The following OR51B5 variants were observed in gnomAD, a reference collection of about 807,000 sequenced individuals.
The protein encoded by OR51B5 is olfactory receptor family 51 subfamily B member 5.
For synonymous variants in OR51B5, 186 were observed against 144.8 expected, an observed-to-expected ratio of 1.28 and a Z score of -2.04; for missense variants, 456 against 374.6, an observed-to-expected ratio of 1.22 and a Z score of -1.79.
At chr11:5,492,339 C>G (rs411752) in intron 1 of OR51B5, among the ~76,000 whole-genome samples, 19,259 of 152,194 alleles carry the variant, frequency 0.13, 1,392 homozygotes, top group East Asian at 0.21. Flanking sequence ...ACCCTGTTTT[C>G]TCTTTCTTCC....
At chr11:5,340,395 A>ATATAATATATATTTC (rs1848875786), downstream of OR51B5, 1 of 152,034 alleles carries the variant, frequency 6.6e-6, no homozygotes, top group Non-Finnish European at 1.5e-5. Flanking sequence ...TATAGTTTGA[A>ATATAATATATATTTC]GTCACTTGCC....
At chr11:5,502,276 T>A (rs1234034827) in intron 1 of OR51B5, among the ~76,000 whole-genome samples, 1 of 152,186 alleles carries the variant, frequency 6.6e-6, no homozygotes, top group East Asian at 1.9e-4. Flanking sequence ...CACTCACCTG[T>A]CTTTCCCACA....
At chr11:5,466,848 T>G (rs889395362) in intron 1 of OR51B5, among the ~76,000 whole-genome samples, 57 of 152,222 alleles carry the variant, frequency 3.7e-4, no homozygotes, top group Non-Finnish European at 5.3e-4. Context: ...ACATTCTGCT[T>G]CCTTCTGTTC....
chr11:5,385,766 TAC>T (rs1458659210), intron 1 of OR51B5, among the ~76,000 whole-genome samples: 4 of 148,432 alleles, frequency 2.7e-5, no homozygotes, highest in Non-Finnish European at 4.4e-5. Context: ...TATATAAATA[TAC>T]AGACACATAT....
At chr11:5,492,476 T>C (rs916250580) in intron 1 of OR51B5, among the ~76,000 whole-genome samples, 1 of 152,152 alleles carries the variant, frequency 6.6e-6, no homozygotes, top group African/African-American at 2.4e-5. Context: ...ATTTAGATTA[T>C]TCTCTTAATT....
At chr11:5,406,429 G>A (rs187055550) in intron 1 of OR51B5, among the ~76,000 whole-genome samples, 22 of 152,168 alleles carry the variant, frequency 1.4e-4, no homozygotes, top group African/African-American at 5.1e-4. Flanking sequence ...AAAGAATCTT[G>A]GAATCTCTTG....
chr11:5,454,116 G>C (rs147318530), intron 1 of OR51B5: 3 of 1,614,038 alleles, frequency 1.9e-6, no homozygotes, highest in African/African-American at 2.7e-5. Context: ...CTTTGGCATG[G>C]ACCTGTTTTT....
chr11:5,476,499 A>C (rs775264129), intron 1 of OR51B5, among the ~76,000 whole-genome samples: 1 of 152,216 alleles, frequency 6.6e-6, no homozygotes, highest in Non-Finnish European at 1.5e-5. Flanking sequence ...AGGTGCCCAA[A>C]AAATAGTCAC....
At chr11:5,365,943 C>T (rs2133702318) in intron 1 of OR51B5, among the ~76,000 whole-genome samples, 1 of 152,230 alleles carries the variant, frequency 6.6e-6, no homozygotes, top group Non-Finnish European at 1.5e-5. Flanking sequence ...GGGGCAGGCT[C>T]AGCATGATCA....
At chr11:5,453,447 C>T in intron 1 of OR51B5, 1 of 1,417,734 alleles carries the variant, frequency 7.1e-7, no homozygotes, top group African/African-American at 1.4e-5. Flanking sequence ...TTCTCCAAGT[C>T]AGAAGATCTG....
intron 1 of OR51B5, among the ~76,000 whole-genome samples, chr11:5,428,019 T>A (rs1245719588): frequency 6.6e-6 from 1 of 152,126 alleles, no homozygotes; most frequent in Non-Finnish European, 1.5e-5. Flanking sequence ...GTTCATGTAT[T>A]CTTAAATTCA....
intron 1 of OR51B5, among the ~76,000 whole-genome samples, chr11:5,368,568 T>C (rs1849408393): frequency 6.6e-6 from 1 of 152,122 alleles, no homozygotes; most frequent in Admixed American, 6.6e-5. Context: ...ATAAAAACCT[T>C]TAAAAAGCTC....
chr11:5,406,646 AAT>A (rs1011540656), intron 1 of OR51B5, among the ~76,000 whole-genome samples: 6 of 152,186 alleles, frequency 3.9e-5, no homozygotes, highest in African/African-American at 1.4e-4. Flanking sequence ...TTATCCAGTG[AAT>A]ATGAGTTTGT....
At chr11:5,417,106 C>G (rs1390558868) in intron 1 of OR51B5, among the ~76,000 whole-genome samples, 1 of 151,736 alleles carries the variant, frequency 6.6e-6, no homozygotes, top group Non-Finnish European at 1.5e-5. Context: ...CAGAACAGAG[C>G]CCTCAGAAAT....
chr11:5,488,652 T>G lies in OR51B5; in HGVS notation n.84+16917A>C, dbSNP rs145529482. 3.0e-4 allele frequency: 357 copies of G among 1,191,658 alleles called. No individual in the cohort carries two copies. The African/African-American group carries it at 4.5e-3, about 15-fold the overall frequency. 73.8% of individuals were successfully genotyped at this position (1,191,658 alleles called of 1,614,324 possible). ...CATAAATCAACCAAATATCTGATGTTACAGGGCAAGCATAACAATACTATT... is the reference window on the plus strand; with the variant it reads ...CATAAATCAACCAAATATCTGATGTGACAGGGCAAGCATAACAATACTATT... On this transcript the variant is annotated intron_variant and non_coding_transcript_variant, in intron 1 of 4. Transcript: ENST00000415970.
intron 1 of OR51B5, among the ~76,000 whole-genome samples, chr11:5,370,898 A>T (rs768166547): frequency 6.6e-6 from 1 of 152,220 alleles, no homozygotes; most frequent in Non-Finnish European, 1.5e-5. Context: ...TGAGAGTTGT[A>T]GAGGCAAAAG....
At chr11:5,470,617 C>A (rs949470807) in intron 1 of OR51B5, among the ~76,000 whole-genome samples, 2 of 152,150 alleles carry the variant, frequency 1.3e-5, no homozygotes, top group African/African-American at 4.8e-5. Context: ...CAAAATTGAA[C>A]TTTATGTCAA....
At chr11:5,413,029 G>C (rs528006477) in intron 1 of OR51B5, among the ~76,000 whole-genome samples, 10,926 of 69,520 alleles carry the variant, frequency 0.16, 457 homozygotes, top group South Asian at 0.24. Context: ...TTACTGGGAG[G>C]CACCCCCCAG....
intron 1 of OR51B5, among the ~76,000 whole-genome samples, chr11:5,461,087 T>C (rs1383415247): frequency 6.6e-6 from 1 of 152,006 alleles, no homozygotes; most frequent in Non-Finnish European, 1.5e-5. Context: ...GTGTGCTGGC[T>C]GCAGCTGGGG....
Sources: allele counts gnomAD v4.1 joint callset (sites outside exome capture counted in the v4.1 genomes callset), GRCh38; gene constraint gnomAD v4.1.1; transcripts MANE v1.5; gene names NCBI Gene and HGNC (gene_info 2026-07-23, HGNC 2026-07-21).